HPSE2: variants seen among roughly 807,000 people sequenced by gnomAD.
HPSE2 encodes heparanase 2 (inactive).
In HPSE2, 38 loss-of-function variants were observed where a neutral mutation model predicts 60.5. The observed-to-expected ratio is 0.63, with a 90% CI of 0.48 to 0.82. HPSE2 has a LOEUF of 0.82. Ranked by LOEUF, HPSE2 falls within the 40% of genes least tolerant of loss-of-function variation. The pLI, the probability that HPSE2 is intolerant of heterozygous loss-of-function variation, is 0.00. For synonymous variants in HPSE2, 295 were observed against 293.2 expected, an observed-to-expected ratio of 1.01 and a Z score of -0.06; for missense variants, 713 against 740.4, an observed-to-expected ratio of 0.96 and a Z score of 0.43.
intron 9 of HPSE2, among the ~76,000 whole-genome samples, chr10:98,580,192 A>T (rs1030081627): frequency 6.6e-6 from 1 of 152,110 alleles, no homozygotes; most frequent in African/African-American, 2.4e-5. Flanking sequence ...CTTGGTTTTT[A>T]AAATTTTTTT....
intron 11 of HPSE2, among the ~76,000 whole-genome samples, chr10:98,470,702 C>T (rs902854732): frequency 3.3e-5 from 5 of 152,204 alleles, no homozygotes; most frequent in African/African-American, 1.2e-4. Flanking sequence ...TATGTTAGCT[C>T]TACCCTAACT....
At chr10:98,492,044 T>G (rs1941664009) in intron 9 of HPSE2, among the ~76,000 whole-genome samples, 1 of 152,226 alleles carries the variant, frequency 6.6e-6, no homozygotes, top group African/African-American at 2.4e-5. Context: ...TTCTTATCCT[T>G]CATTCCAATG....
At chr10:98,659,842 A>T (rs1162721121) in intron 6 of HPSE2, among the ~76,000 whole-genome samples, 1 of 152,214 alleles carries the variant, frequency 6.6e-6, no homozygotes, top group Non-Finnish European at 1.5e-5. Context: ...AGTGAAATTG[A>T]AATTACACAG....
chr10:98,645,420 T>C (rs1036235938), intron 6 of HPSE2, among the ~76,000 whole-genome samples: 1 of 152,130 alleles, frequency 6.6e-6, no homozygotes, highest in African/African-American at 2.4e-5. Flanking sequence ...TTCAAAATGC[T>C]TCTAAAATAT....
chr10:98,886,738 A>G (rs1953177091), intron 3 of HPSE2, among the ~76,000 whole-genome samples: 1 of 152,110 alleles, frequency 6.6e-6, no homozygotes, highest in South Asian at 2.1e-4. Flanking sequence ...AAATTGAGAG[A>G]ATCGGAAAAG....
chr10:98,579,479 G>A (rs1944733085), intron 9 of HPSE2, among the ~76,000 whole-genome samples: 4 of 152,158 alleles, frequency 2.6e-5, no homozygotes, highest in Admixed American at 2.0e-4. Flanking sequence ...AGCTTTGCCT[G>A]ATCGCCAGGT....
chr10:99,127,757 T>C (rs994292204), intron 3 of HPSE2, among the ~76,000 whole-genome samples: 8 of 152,146 alleles, frequency 5.3e-5, no homozygotes, highest in Non-Finnish European at 1.2e-4. Context: ...AAGCATCAGG[T>C]AAACTATACA....
chr10:98,993,562 A>G (rs1024425112), intron 3 of HPSE2, among the ~76,000 whole-genome samples: 1 of 152,212 alleles, frequency 6.6e-6, no homozygotes, highest in African/African-American at 2.4e-5. Flanking sequence ...TCTTCAGTTA[A>G]TACATTCCAG....
At chr10:98,936,978 C>CAAA (rs1214450704) in intron 3 of HPSE2, among the ~76,000 whole-genome samples, 36 of 30,998 alleles carry the variant, frequency 1.2e-3, no homozygotes, top group African/African-American at 1.8e-3. Context: ...GACTCCATCT[C>CAAA]AAAAAAAAAA....
chr10:98,675,280 A>G (rs1337776458), intron 6 of HPSE2, among the ~76,000 whole-genome samples: 1 of 152,086 alleles, frequency 6.6e-6, no homozygotes, highest in Non-Finnish European at 1.5e-5. Flanking sequence ...AGATCACTCT[A>G]TTTTACAAAT....
intron 3 of HPSE2, among the ~76,000 whole-genome samples, chr10:98,938,628 G>C (rs376653217): frequency 7.6e-5 from 11 of 143,984 alleles, no homozygotes; most frequent in Admixed American, 3.5e-4. Flanking sequence ...CTGAAAGTGA[G>C]GGGGAGAATG....
At chr10:98,693,850 C>T (rs1367755493) in intron 6 of HPSE2, 50 bp downstream of exon 6, 4 of 1,328,526 alleles carry the variant, frequency 3.0e-6, no homozygotes, top group Non-Finnish European at 4.4e-6. Context: ...AATTATCTTT[C>T]ATTTCACAGC....
At chr10:98,962,349 A>C (rs1160749918) in intron 3 of HPSE2, among the ~76,000 whole-genome samples, 1 of 149,264 alleles carries the variant, frequency 6.7e-6, no homozygotes, top group Non-Finnish European at 1.5e-5. Flanking sequence ...GGCCATTTTC[A>C]CGATATTGAT....
At chr10:99,238,590 CGTT>C (rs1392590296), upstream of HPSE2, among the ~76,000 whole-genome samples, 2 of 152,120 alleles carry the variant, frequency 1.3e-5, no homozygotes, top group Non-Finnish European at 1.5e-5. Flanking sequence ...GGTTAGCCCT[CGTT>C]GGTCTCTAAG....
chr10:98,955,297 G>A (rs759392684), intron 3 of HPSE2, among the ~76,000 whole-genome samples: 2 of 152,086 alleles, frequency 1.3e-5, no homozygotes, highest in African/African-American at 4.8e-5. Flanking sequence ...AGTGAGCAAA[G>A]GACGTGAACA....
intron 3 of HPSE2, among the ~76,000 whole-genome samples, chr10:99,099,869 C>T (rs560870094): frequency 1.3e-5 from 2 of 152,270 alleles, no homozygotes; most frequent in South Asian, 4.1e-4. Flanking sequence ...ACTGCTGATA[C>T]CCAGGCAAAC....
At chr10:99,161,524 C>A (rs1045577082) in intron 2 of HPSE2, among the ~76,000 whole-genome samples, 1 of 152,078 alleles carries the variant, frequency 6.6e-6, no homozygotes, top group African/African-American at 2.4e-5. Context: ...TGACAGAAAG[C>A]ATATCAGTGG....
At chr10:99,089,018 T>C (rs775328053) in intron 3 of HPSE2, among the ~76,000 whole-genome samples, 2 of 152,198 alleles carry the variant, frequency 1.3e-5, no homozygotes, top group Admixed American at 6.5e-5. Flanking sequence ...CCACTTTTTA[T>C]GAAATTATTT....
At chr10:98,690,767 T>G (rs931357117) in intron 6 of HPSE2, among the ~76,000 whole-genome samples, 2 of 152,120 alleles carry the variant, frequency 1.3e-5, no homozygotes, top group Non-Finnish European at 2.9e-5. Context: ...GTAATTATAC[T>G]TTCATCTTAA....
Sources: gnomAD v4.1 joint callset for allele counts (sites outside exome capture counted in the v4.1 genomes callset) on GRCh38, gnomAD v4.1.1 for gene constraint, MANE v1.5 for transcripts, NCBI Gene and HGNC (gene_info 2026-07-23, HGNC 2026-07-21) for gene names.